The following MUC5AC variants were observed in gnomAD, a reference collection of about 807,000 sequenced individuals.
MUC5AC encodes mucin-5AC.
A neutral mutation model predicts 169.7 loss-of-function variants in MUC5AC; 158 were observed. That is an observed-to-expected ratio of 0.93 (90% CI 0.82 to 1.06). MUC5AC has a LOEUF of 1.06. Among genes scored for constraint, MUC5AC ranks in the 50% least tolerant of loss-of-function variants. The probability of loss-of-function intolerance (pLI) is 0.00; values close to 1 mark genes in which losing one functional copy is unlikely to be tolerated. For missense variants in MUC5AC, 4,359 were observed against 3,089.9 expected (o/e 1.41, Z -9.74); for synonymous variants, 1,975 against 1,237.0 (o/e 1.60, Z -12.52).
Position 1,187,351 on chromosome 11 carries a change from G to A in MUC5AC, c.9206G>A (p.Ser3069Asn), listed in dbSNP as rs1860977779. The A allele has an allele frequency of 1.4e-6, 1 of 733,760 alleles. No homozygotes were observed. The highest frequency in any genetic ancestry group is 2.5e-6 in the Non-Finnish European group (1 of 403,178). The allele number at this position is 733,760 out of a possible 1,614,324, so 45.5% of individuals were successfully genotyped here. A position where few individuals can be genotyped will look rare whatever the true frequency, so the allele number is the denominator to read the frequency against. The change falls in exon 31 of 49, where the codon AGC (serine) becomes AAC (asparagine). Residue 3069 changes from serine to asparagine, a missense_variant. Ser to Asn is a conservative substitution (Grantham distance 46). Coordinates refer to ENST00000621226, the MANE Select transcript of MUC5AC (RefSeq NM_001304359.2). ...ACTTCTGGTCCTGGAACTACCCCAA[G>A]CCCTGTTCCCACCACCAGCACAACC... Reference protein sequence around the residue: ...SITSGPGTTPSPVPTTSTTSA... With the variant: ...SITSGPGTTPNPVPTTSTTSA...
In MUC5AC at chr11:1,199,719, G is replaced by A. The variant is rs180671641; in HGVS notation, c.16540G>A (p.Gly5514Ser). The A allele has an allele frequency of 1.6e-4, 113 of 712,002 alleles. No individual in the cohort carries two copies. Among genetic ancestry groups the A allele is most frequent in the African/African-American group, 1.4e-3 (80 of 57,732 alleles). 44.1% of individuals were successfully genotyped at this position (712,002 alleles called of 1,614,324 possible). A position where few individuals can be genotyped will look rare whatever the true frequency, so the allele number is the denominator to read the frequency against. The part of the protein sequence containing the change: ...SLDEARMSKD[G>S]CCRFCPPPPP... The stretch of plus-strand genomic sequence containing the variant: ...GGACGAGGCCCGCATGAGCAAGGAC[G>A]GCTGCTGCCGCTTCTGCCCGCCGCC... The change falls in exon 47 of 49, where the codon GGC becomes AGC. Residue 5514 changes from glycine (G) to serine (S), a missense_variant. Transcript: ENST00000621226.
chr11:1,169,551 C>T (rs1181311521), intron 15 of MUC5AC, among the ~76,000 whole-genome samples: 97 of 133,016 alleles, frequency 7.3e-4, no homozygotes, highest in South Asian at 1.8e-3. Context: ...CCACCTCACT[C>T]GCCGACTCAA....
At chr11:1,175,837 G>GTTATGCAA (rs1355355077) in intron 19 of MUC5AC, among the ~76,000 whole-genome samples, 1 of 91,288 alleles carries the variant, frequency 1.1e-5, no homozygotes, top group East Asian at 2.8e-4. Context: ...TCATGCACAC[G>GTTATGCAA]CACTCACACA....
rs925139207 is a variant in MUC5AC at position 1,179,137 on chromosome 11, G to A, written c.3373G>A (p.Ala1125Thr). ...YYEACVNDAC[A>T]CDSGGDCECF... ...CGAGGCCTGCGTGAACGACGCGTGC[G>A]CCTGCGACTCCGGGGGTGACTGCGA... is the stretch of plus-strand genomic sequence containing the variant. Residue 1125 changes from alanine (A) to threonine (T), a missense_variant, in exon 26 of 49, where the codon GCC becomes ACC. Transcript: ENST00000621226. The A allele has an allele frequency of 2.7e-5, 18 of 662,368 alleles. No individual in the cohort carries two copies. Among genetic ancestry groups the A allele is most frequent in the Middle Eastern group, 5.4e-4 (2 of 3,710 alleles). 41.0% of individuals were successfully genotyped at this position (662,368 alleles called of 1,614,324 possible). A position where few individuals can be genotyped will look rare whatever the true frequency, so the allele number is the denominator to read the frequency against.
At chr11:1,172,547 C>CG in intron 16 of MUC5AC, 24 bp downstream of exon 16, 1 of 398,610 alleles carries the variant, frequency 2.5e-6, no homozygotes, top group Admixed American at 4.4e-5. Context: ...CCTCTTGGCC[C>CG]GGTGGGGCTC....
At position 1,182,210 on chromosome 11, in the gene MUC5AC, T is replaced by C. The variant is rs928875298; in HGVS notation, c.4065T>C (p.Pro1355=). The C allele has an allele frequency of 3.7e-4, 148 of 398,488 alleles. No individual in the cohort carries two copies. The highest frequency in any genetic ancestry group is 5.3e-5 in the Non-Finnish European group (12 of 226,122). The allele number at this position is 398,488 out of a possible 1,614,324, so 24.7% of individuals were successfully genotyped here. ...GCCCAAGCAGCGCGCACACAGGCCC[T>C]CCGAGCAGCGCCTGGCCCACCACAG... ...SNGPSSAHTG[P]PSSAWPTTAG... The change falls in exon 31 of 49, where the codon CCT becomes CCC. Residue 1355 remains proline, a synonymous_variant. Coordinates refer to ENST00000621226, the MANE Select transcript of MUC5AC (RefSeq NM_001304359.2).
rs2133759932 is a variant in MUC5AC at position 1,187,054 on chromosome 11, C to T, written c.8909C>T (p.Thr2970Ile). 4.0e-6 allele frequency: 3 copies of T among 751,466 alleles called. No homozygotes were observed. The highest frequency in any genetic ancestry group is 2.5e-5 in the East Asian group (1 of 40,712). 46.5% of individuals were successfully genotyped at this position (751,466 alleles called of 1,614,324 possible). ...PTTSTTSAST[T>I]STTSGPGTTP... ...ACCAGCACAACTTCTGCTTCTACAA[C>T]CAGCACAACCTCTGGTCCTGGAACT... is the stretch of plus-strand genomic sequence containing the variant. Residue 2970 changes from threonine (T) to isoleucine (I), a missense_variant, in exon 31 of 49, where the codon ACC becomes ATC. By Grantham distance (89) the Thr-to-Ile change is moderately conservative. Transcript: ENST00000621226.
chr11:1,192,579 T>G (rs77998608), intron 31 of MUC5AC, 54 bp downstream of exon 31: 1 of 745,102 alleles, frequency 1.3e-6, no homozygotes, highest in Non-Finnish European at 2.5e-6. Flanking sequence ...GTCAGTTTTT[T>G]ATCCAGGAAC....
Position 1,168,996 on chromosome 11 carries a change from G to C in MUC5AC, c.1840G>C (p.Glu614Gln), listed in dbSNP as rs771147684. ...AACPNIRNSF[E>Q]DPCSLSVENE... ...CTGCCCCAACATCAGGAACAGCTTC[G>C]AGGACCCCTGCTCTCTGAGCGTGGA... The change falls in exon 15 of 49, where the codon GAG becomes CAG. Residue 614 changes from glutamate to glutamine, a missense_variant. Transcript: ENST00000621226. 1 of 1,606,114 alleles carries C rather than the reference G, an allele frequency of 6.2e-7. No individual in the cohort carries two copies. The highest frequency in any genetic ancestry group is 8.5e-7 in the Non-Finnish European group (1 of 1,176,062).
In MUC5AC at chr11:1,198,321, C is replaced by T. The variant is rs373583006; in HGVS notation, c.16173+16C>T. ...CCTGTACCAGGTAAGAGCCACGGAG[C>T]TCAGACCCCCTCAGCCATAGGGACG... On this transcript the variant is annotated intron_variant, in intron 43 of 48. Coordinates refer to ENST00000621226, the MANE Select transcript of MUC5AC (RefSeq NM_001304359.2). The T allele has an allele frequency of 2.7e-6, 2 of 740,356 alleles. No homozygotes were observed. The highest frequency in any genetic ancestry group is 4.9e-6 in the Non-Finnish European group (2 of 406,026). The allele number at this position is 740,356 out of a possible 1,614,324, so 45.9% of individuals were successfully genotyped here.
rs767670615 is a variant in MUC5AC at position 1,195,055 on chromosome 11, G to A, written c.15234G>A (p.Arg5078=). 8.0e-6 allele frequency: 6 copies of A among 753,050 alleles called. No homozygotes were observed. Among genetic ancestry groups the A allele is most frequent in the Non-Finnish European group, 1.2e-5 (5 of 412,496 alleles). 46.6% of individuals were successfully genotyped at this position (753,050 alleles called of 1,614,324 possible). Residue 5078 remains arginine (R), a synonymous_variant, in exon 36 of 49, where the codon AGG becomes AGA. Transcript: ENST00000621226. ...NDRKDECRTP[R]GTVVASCSEM... is the part of the protein sequence containing the mutation. The stretch of plus-strand genomic sequence containing the variant: ...GGAAGGATGAGTGCCGCACGCCTAG[G>A]GGGACGGTGGTCGCTTCCTGCTCCG...
rs377214284 is a variant in MUC5AC at position 1,191,984 on chromosome 11, T to C, written c.13839T>C (p.Ser4613=). 1 of 765,208 alleles carries C rather than the reference T, an allele frequency of 1.3e-6. No individual in the cohort carries two copies. The highest frequency in any genetic ancestry group is 2.4e-6 in the Non-Finnish European group (1 of 417,920). The allele number at this position is 765,208 out of a possible 1,614,324, so 47.4% of individuals were successfully genotyped here. ...CAAAGACCAGCACAAGCCATCTTTC[T>C]GTATCCAAGACAACCCACTCCCAAC... The part of the protein sequence containing the change: ...PVSKTSTSHL[S]VSKTTHSQPV... The change falls in exon 31 of 49, where the codon TCT becomes TCC. Residue 4613 remains serine (S), a synonymous_variant. Coordinates refer to ENST00000621226, the MANE Select transcript of MUC5AC (RefSeq NM_001304359.2).
At chr11:1,193,798 C>G (rs1043078083) in intron 33 of MUC5AC, 139 bp downstream of exon 33, 1 of 631,774 alleles carries the variant, frequency 1.6e-6, no homozygotes, top group Non-Finnish European at 2.9e-6. Context: ...TTCCCAGCAT[C>G]AAGGCGGGGC....
At chr11:1,169,933 C>T (rs1860450774) in intron 15 of MUC5AC, among the ~76,000 whole-genome samples, 2 of 141,652 alleles carry the variant, frequency 1.4e-5, no homozygotes, top group Admixed American at 7.0e-5. Context: ...CATTCACTCA[C>T]TCGCCCACTC....
At chr11:1,197,671 T>C (rs1269237915) in intron 41 of MUC5AC, 32 bp downstream of exon 41, 1 of 665,212 alleles carries the variant, frequency 1.5e-6, no homozygotes, top group Non-Finnish European at 2.8e-6. Context: ...GGGCATGGTG[T>C]GGCAGGCAGG....
rs1399526207 is a variant in MUC5AC, at chr11:1,191,425, C to T, written c.13280C>T (p.Pro4427Leu). The T allele has an allele frequency of 4.0e-6, 3 of 743,264 alleles. No individual in the cohort carries two copies. The African/African-American group carries it at 5.2e-5, about 13-fold the overall frequency. The allele number at this position is 743,264 out of a possible 1,614,324, so 46.0% of individuals were successfully genotyped here. A position where few individuals can be genotyped will look rare whatever the true frequency, so the allele number is the denominator to read the frequency against. The change falls in exon 31 of 49, where the codon CCT becomes CTT. Residue 4427 changes from proline to leucine, a missense_variant. Pro to Leu is a moderately conservative substitution (Grantham distance 98, BLOSUM62 -3). Coordinates refer to ENST00000621226, the MANE Select transcript of MUC5AC (RefSeq NM_001304359.2). ...TCTGCTCCTACAACCAGAACAACCC[C>T]TGCCTCTACAGCCAGCACAACCTCT... ...TTSAPTTRTT[P>L]ASTASTTSGP...
rs1422801480 is a variant in MUC5AC, at chr11:1,189,109, G to A, written c.10964G>A (p.Arg3655Lys). ...AGCACCTCCTCTTGGCAGAAATCCA[G>A]GACAACCACTTTGGTGACAAGCAGC... Reference protein sequence around the residue: ...TQSTSSWQKSRTTTLVTSSIT... With the variant: ...TQSTSSWQKSKTTTLVTSSIT... Residue 3655 changes from arginine (R) to lysine (K), a missense_variant, in exon 31 of 49, where the codon AGG becomes AAG. Physicochemically the swap from Arg to Lys is conservative, Grantham distance 26 (BLOSUM62 2). Transcript: ENST00000621226. 7 of 601,540 alleles carry A rather than the reference G, an allele frequency of 1.2e-5. No individual in the cohort carries two copies. The highest frequency in any genetic ancestry group is 4.1e-5 in the South Asian group (2 of 48,946). 37.3% of individuals were successfully genotyped at this position (601,540 alleles called of 1,614,324 possible).
rs1382271704 is a variant in MUC5AC, at chr11:1,187,662, A to G, written c.9517A>G (p.Thr3173Ala). Residue 3173 changes from threonine (T) to alanine (A), a missense_variant, in exon 31 of 49, where the codon ACT (threonine) becomes GCT (alanine). Coordinates refer to ENST00000621226, the MANE Select transcript of MUC5AC (RefSeq NM_001304359.2). ...STIFAPRTST[T>A]SASTTSTTPG... ...AATCTTTGCTCCTAGAACCAGCACC[A>G]CTTCTGCCTCTACAACCAGCACAAC... 1.7e-5 allele frequency: 13 copies of G among 764,540 alleles called. No homozygotes were observed. Among genetic ancestry groups the G allele is most frequent in the South Asian group, 1.6e-4 (12 of 74,580 alleles). The allele number at this position is 764,540 out of a possible 1,614,324, so 47.4% of individuals were successfully genotyped here. A position where few individuals can be genotyped will look rare whatever the true frequency, so the allele number is the denominator to read the frequency against.
rs1390403762 is a variant in MUC5AC at position 1,164,179 on chromosome 11, T to C, written c.863T>C (p.Leu288Pro). The C allele has an allele frequency of 1.2e-6, 2 of 1,612,446 alleles. No individual in the cohort carries two copies. The highest frequency in any genetic ancestry group is 1.7e-6 in the Non-Finnish European group (2 of 1,179,870). The change falls in exon 8 of 49, where the codon CTG becomes CCG. Residue 288 changes from leucine (L) to proline (P), a missense_variant. Leu to Pro is a moderately conservative substitution (Grantham distance 98). Transcript: ENST00000621226. ...GCCCTGGTGGACGTCGGCAGCTACC[T>C]GGAGGCTTGCAGGCAAGACCTCTGC... ...CVALVDVGSYLEACRQDLCFC... is the reference protein window; with the variant it reads ...CVALVDVGSYPEACRQDLCFC...
Sources: gnomAD v4.1 joint callset for allele counts (sites outside exome capture counted in the v4.1 genomes callset) on GRCh38, gnomAD v4.1.1 for gene constraint, MANE v1.5 for transcripts, NCBI Gene and HGNC (gene_info 2026-07-23, HGNC 2026-07-21) for gene names.